The following DIPK1A variants were observed in gnomAD, a reference collection of about 807,000 sequenced individuals.
DIPK1A encodes the protein divergent protein kinase domain 1A.
DIPK1A carries 27 observed loss-of-function variants against 40.8 expected under a neutral mutation model. That is an observed-to-expected ratio of 0.66 (90% CI 0.49 to 0.91). The LOEUF is 0.91. Ranked by LOEUF, DIPK1A falls within the 40% of genes least tolerant of loss-of-function variation. The pLI, the probability that DIPK1A is intolerant of heterozygous loss-of-function variation, is 0.00. For synonymous variants in DIPK1A, 166 were observed against 171.3 expected (o/e 0.97, Z 0.24); for missense variants, 412 against 505.7 (o/e 0.81, Z 1.78).
Position 92,842,563 on chromosome 1 carries a change from G to T in DIPK1A, c.*820C>A. On this transcript the variant is annotated 3_prime_UTR_variant, in exon 5 of 5. Coordinates refer to ENST00000370310, the MANE Select transcript of DIPK1A (RefSeq NM_001006605.5). The stretch of plus-strand genomic sequence containing the variant: ...CCACAGGATATACTGTTTGAAAATG[G>T]AAAGTTATTACTAAAAAGTCTGCTA... The T allele has an allele frequency of 1.0e-6, 1 of 984,986 alleles. No homozygotes were observed. The highest frequency in any genetic ancestry group is 4.7e-5 in the South Asian group (1 of 21,254). The allele number at this position is 984,986 out of a possible 1,614,324, so 61.0% of individuals were successfully genotyped here. A position where few individuals can be genotyped will look rare whatever the true frequency, so the allele number is the denominator to read the frequency against.
chr1:92,886,010 A>G (rs1000894781), intron 1 of DIPK1A, among the ~76,000 whole-genome samples: 3 of 152,134 alleles, frequency 2.0e-5, no homozygotes, highest in Non-Finnish European at 2.9e-5. Context: ...TTCTTATGCC[A>G]TTATATAGTG....
intron 2 of DIPK1A, among the ~76,000 whole-genome samples, chr1:92,864,772 GCA>G (rs1254815261): frequency 1.3e-5 from 2 of 151,970 alleles, no homozygotes; most frequent in Non-Finnish European, 2.9e-5. Context: ...GGGTACAGTG[GCA>G]CACACCTATA....
At chr1:92,944,063 A>C (rs913350980) in intron 1 of DIPK1A, among the ~76,000 whole-genome samples, 6 of 152,184 alleles carry the variant, frequency 3.9e-5, no homozygotes, top group African/African-American at 1.4e-4. Flanking sequence ...AAAGAAACAA[A>C]TAACTTTTAA....
chr1:92,918,463 T>C (rs1422424913), intron 1 of DIPK1A, among the ~76,000 whole-genome samples: 1 of 152,204 alleles, frequency 6.6e-6, no homozygotes, highest in East Asian at 1.9e-4. Context: ...GCCATTTCTT[T>C]ACTGTAAACT....
intron 1 of DIPK1A, among the ~76,000 whole-genome samples, chr1:92,889,368 G>T (rs1233795980): frequency 1.3e-5 from 2 of 152,046 alleles, no homozygotes; most frequent in Non-Finnish European, 2.9e-5. Flanking sequence ...TGTTTTTATG[G>T]CTAGTACCAT....
chr1:92,881,977 G>T (rs1196959968), intron 1 of DIPK1A, among the ~76,000 whole-genome samples: 1 of 152,140 alleles, frequency 6.6e-6, no homozygotes, highest in African/African-American at 2.4e-5. Context: ...GTCTCTTGAT[G>T]CTTTAAAAAT....
downstream of DIPK1A, chr1:92,837,434 A>T: frequency 6.2e-7 from 1 of 1,605,776 alleles, no homozygotes; most frequent in Non-Finnish European, 8.5e-7. Flanking sequence ...TCTATACTAA[A>T]ATATGAATAA....
chr1:92,876,908 C>T (rs920964842), intron 1 of DIPK1A: 2 of 853,200 alleles, frequency 2.3e-6, no homozygotes, highest in Non-Finnish European at 2.8e-6. Context: ...ATACTGACAA[C>T]CAGAACAAGA....
intron 2 of DIPK1A, among the ~76,000 whole-genome samples, chr1:92,857,407 C>T (rs1688021020): frequency 6.6e-6 from 1 of 151,572 alleles, no homozygotes; most frequent in Admixed American, 6.6e-5. Context: ...CTGCAAACTC[C>T]ACCTCCCCAG....
chr1:92,960,345 T>C (rs1652021791), intron 1 of DIPK1A, among the ~76,000 whole-genome samples: 1 of 152,196 alleles, frequency 6.6e-6, no homozygotes, highest in Non-Finnish European at 1.5e-5. Flanking sequence ...TTTTTCATAA[T>C]TTATAAAAGC....
Position 92,867,500 on chromosome 1 carries a change from T to TTTG in DIPK1A, c.189+8793_189+8795dup, listed in dbSNP as rs530607989. On this transcript the variant is annotated intron_variant, in intron 2 of 4. Transcript: ENST00000370310. ...CCACAACTGTTAAACAGATATAAAC[T>TTTG]TTGTTGTTGTTGTTGTTGTTGTTGA... is the stretch of plus-strand genomic sequence containing the variant. 5.3e-4 allele frequency among the ~76,000 whole-genome samples: 81 copies of TTTG among 151,924 alleles called. 1 individual carries two copies. Among genetic ancestry groups the TTTG allele is most frequent in the Middle Eastern group, 3.4e-3 (1 of 294 alleles).
At chr1:92,890,762 T>A (rs912480745) in intron 1 of DIPK1A, among the ~76,000 whole-genome samples, 1 of 152,308 alleles carries the variant, frequency 6.6e-6, no homozygotes, top group South Asian at 2.1e-4. Context: ...TCAGGTATAT[T>A]AGCCTATAGT....
At chr1:92,860,452 G>A (rs1040629311) in intron 2 of DIPK1A, among the ~76,000 whole-genome samples, 2 of 151,924 alleles carry the variant, frequency 1.3e-5, no homozygotes, top group Non-Finnish European at 2.9e-5. Context: ...CATTGGTTTT[G>A]TCTTGACTAA....
intron 2 of DIPK1A, among the ~76,000 whole-genome samples, chr1:92,866,562 T>C (rs1647556218): frequency 6.6e-6 from 1 of 152,244 alleles, no homozygotes; most frequent in African/African-American, 2.4e-5. Context: ...GATGGTCTTT[T>C]GATCTGCCAA....
chr1:92,840,712 T>C (rs1687323875), downstream of DIPK1A: 3 of 1,107,550 alleles, frequency 2.7e-6, no homozygotes, highest in African/African-American at 1.5e-5. Context: ...AGACTGTTGG[T>C]GTAATTGTGC....
intron 1 of DIPK1A, among the ~76,000 whole-genome samples, chr1:92,961,076 T>C (rs1004104696): frequency 6.6e-5 from 10 of 151,764 alleles, no homozygotes; most frequent in Non-Finnish European, 1.5e-4. Context: ...CGCGGGGTCG[T>C]ACCCAGGTCA....
intron 1 of DIPK1A, among the ~76,000 whole-genome samples, chr1:92,904,028 T>C (rs1455935071): frequency 6.6e-6 from 1 of 152,218 alleles, no homozygotes; most frequent in Admixed American, 6.5e-5. Flanking sequence ...GATGGCCATT[T>C]CTAATTTTGG....
At position 92,926,239 on chromosome 1, in the gene DIPK1A, G is replaced by A. The variant is rs1474028764; in HGVS notation, c.54+35137C>T. ...AGTGCTTTAACTGCATCCCAAAAAT[G>A]CTAACACATTTTTTATTATCATTCA... On this transcript the variant is annotated intron_variant, in intron 1 of 4. Coordinates refer to ENST00000370310, the MANE Select transcript of DIPK1A (RefSeq NM_001006605.5). Among the ~76,000 whole-genome samples the A allele has an allele frequency of 2.0e-5, 3 of 152,094 alleles. No individual in the cohort carries two copies. The East Asian group carries it at 5.8e-4, about 29-fold the overall frequency.
intron 1 of DIPK1A, among the ~76,000 whole-genome samples, chr1:92,922,333 C>T (rs28673712): frequency 5.3e-4 from 77 of 144,662 alleles, no homozygotes; most frequent in Middle Eastern, 3.5e-3. Flanking sequence ...TTTTTCTTTT[C>T]TTTTTTTTTT....
Sources: gnomAD v4.1 joint callset for allele counts (sites outside exome capture counted in the v4.1 genomes callset) on GRCh38, gnomAD v4.1.1 for gene constraint, MANE v1.5 for transcripts, NCBI Gene and HGNC (gene_info 2026-07-23, HGNC 2026-07-21) for gene names.